The following NFIB variants were observed in gnomAD, a reference collection of about 807,000 sequenced individuals.
The protein encoded by NFIB is nuclear factor I B.
In NFIB, 11 loss-of-function variants were observed where a neutral mutation model predicts 61.5. The ratio of observed to expected loss-of-function variants is 0.18; its 90% CI spans 0.11 to 0.30. The LOEUF (loss-of-function observed/expected upper bound fraction) is 0.30, where lower values mean the gene tolerates loss of function less well. NFIB is among the 10% of genes least tolerant of loss of function. The pLI, the probability that NFIB is intolerant of heterozygous loss-of-function variation, is 1.00. For synonymous variants in NFIB, 260 were observed against 216.5 expected, an observed-to-expected ratio of 1.20 and a Z score of -1.76; for missense variants, 471 against 608.9, an observed-to-expected ratio of 0.77 and a Z score of 2.38.
At chr9:14,390,728 T>C (rs1338361838) in intron 1 of NFIB, among the ~76,000 whole-genome samples, 1 of 152,246 alleles carries the variant, frequency 6.6e-6, no homozygotes, top group Non-Finnish European at 1.5e-5. Context: ...TCGGTTCTTC[T>C]TCTATGTGAG....
At chr9:14,277,575 A>G (rs1245525109) in intron 2 of NFIB, among the ~76,000 whole-genome samples, 1 of 152,244 alleles carries the variant, frequency 6.6e-6, no homozygotes, top group Non-Finnish European at 1.5e-5. Context: ...TAGGTGAAAG[A>G]AAGAATTAAC....
At chr9:14,285,805 ACCC>A in intron 2 of NFIB, among the ~76,000 whole-genome samples, 1 of 152,122 alleles carries the variant, frequency 6.6e-6, no homozygotes, top group South Asian at 2.1e-4. Flanking sequence ...AGAAAATCCT[ACCC>A]ACCTTAAGTG....
At chr9:14,292,121 T>C (rs1259292460) in intron 2 of NFIB, among the ~76,000 whole-genome samples, 3 of 152,214 alleles carry the variant, frequency 2.0e-5, no homozygotes, top group African/African-American at 7.2e-5. Context: ...CCTTTAAAAA[T>C]TGCTGCCATG....
chr9:14,389,865 G>C (rs1313779650), intron 1 of NFIB, among the ~76,000 whole-genome samples: 1 of 152,166 alleles, frequency 6.6e-6, no homozygotes, highest in Non-Finnish European at 1.5e-5. Context: ...ACATTGAGTT[G>C]ATATAGAATC....
chr9:14,313,436 A>C lies in NFIB; in HGVS notation c.30+46T>G, dbSNP rs1263979165. ...GTCCGCAACAAAACAAAACAAAGGC[A>C]TTTCGGGCCAGAGAGAAAGCTCGAG... On this transcript the variant is annotated intron_variant, in intron 1 of 10. Transcript: ENST00000380953. This position sits in a 1 kb window ranked among gnomAD's most constrained non-coding sequence, Gnocchi z 4.5. 1.2e-6 allele frequency: 2 copies of C among 1,613,340 alleles called. No homozygotes were observed. Among genetic ancestry groups the C allele is most frequent in the East Asian group, 4.5e-5 (2 of 44,796 alleles).
At chr9:14,332,878 G>C (rs1003508307) in intron 1 of NFIB, among the ~76,000 whole-genome samples, 1 of 152,202 alleles carries the variant, frequency 6.6e-6, no homozygotes, top group African/African-American at 2.4e-5. Flanking sequence ...CTGAGGCCAT[G>C]AGCTTGCCAG....
At chr9:14,306,433 G>A (rs1021925121) in intron 2 of NFIB, among the ~76,000 whole-genome samples, 1 of 151,964 alleles carries the variant, frequency 6.6e-6, no homozygotes, top group African/African-American at 2.4e-5. Context: ...GTAAATCTAG[G>A]TCTACGTAAG....
At position 14,393,230 on chromosome 9, in the gene NFIB, C is replaced by T. The variant is rs553192136; in HGVS notation, c.108+5294G>A. Among the ~76,000 whole-genome samples, 130 of 152,166 alleles carry T rather than the reference C, an allele frequency of 8.5e-4. 1 individual carries two copies. Among genetic ancestry groups the T allele is most frequent in the African/African-American group, 3.1e-3 (127 of 41,522 alleles). On this transcript the variant is annotated intron_variant, in intron 1 of 8. Transcript: ENST00000380934. ...TTGTAGTCATATGATCAGAAATGTG[C>T]TGCACATCCTCCCAGTGCACTGGAA...
At chr9:14,139,452 G>C (rs1359992929) in intron 6 of NFIB, among the ~76,000 whole-genome samples, 1 of 152,110 alleles carries the variant, frequency 6.6e-6, no homozygotes, top group East Asian at 1.9e-4. Context: ...ACTTTGTATG[G>C]CACACTATGA....
the NFIB span, among the ~76,000 whole-genome samples, chr9:14,459,844 C>T: frequency 4.3e-4 from 65 of 150,908 alleles, no homozygotes; most frequent in Middle Eastern, 0.01. Context: ...GTTAGAATGG[C>T]GATCATTAAA....
At chr9:14,210,042 C>A (rs906465413) in intron 2 of NFIB, among the ~76,000 whole-genome samples, 4 of 152,270 alleles carry the variant, frequency 2.6e-5, no homozygotes, top group Non-Finnish European at 5.9e-5. Context: ...ATATAAATAA[C>A]TACAACAATT....
At chr9:14,285,506 C>G (rs1347563299) in intron 2 of NFIB, among the ~76,000 whole-genome samples, 1 of 152,072 alleles carries the variant, frequency 6.6e-6, no homozygotes, top group Admixed American at 6.5e-5. Flanking sequence ...ATAATATTTT[C>G]TTTTGTCTCT....
intron 2 of NFIB, among the ~76,000 whole-genome samples, chr9:14,257,768 A>C (rs2056368573): frequency 6.6e-6 from 1 of 152,174 alleles, no homozygotes; most frequent in African/African-American, 2.4e-5. Flanking sequence ...AAAAGAAAAA[A>C]AACGAAAGAA....
chr9:14,202,477 T>C (rs1438600742), intron 2 of NFIB, among the ~76,000 whole-genome samples: 1 of 152,170 alleles, frequency 6.6e-6, no homozygotes, highest in African/African-American at 2.4e-5. Flanking sequence ...CATCCCATTA[T>C]AGAATATTGA....
chr9:14,525,672 T>A, the NFIB span, among the ~76,000 whole-genome samples: 2 of 152,144 alleles, frequency 1.3e-5, no homozygotes, highest in African/African-American at 2.4e-5. Context: ...AGAAAATATT[T>A]CAGGAGTCTC....
At chr9:14,450,849 T>A in the NFIB span, among the ~76,000 whole-genome samples, 1 of 152,252 alleles carries the variant, frequency 6.6e-6, no homozygotes, top group South Asian at 2.1e-4. Flanking sequence ...AATGTCCAAA[T>A]GTCTTATTTT....
chr9:14,510,966 A>C, the NFIB span, among the ~76,000 whole-genome samples: 6 of 152,168 alleles, frequency 3.9e-5, no homozygotes, highest in Non-Finnish European at 4.4e-5. Context: ...CTCTTTGATG[A>C]TGCTGCTTCA....
chr9:14,462,081 C>T, the NFIB span, among the ~76,000 whole-genome samples: 83 of 152,258 alleles, frequency 5.5e-4, no homozygotes, highest in Middle Eastern at 3.4e-3. Context: ...ATGGAAGTTT[C>T]GCATTCCAGC....
the NFIB span, among the ~76,000 whole-genome samples, chr9:14,505,596 C>T: frequency 6.6e-6 from 1 of 152,120 alleles, no homozygotes; most frequent in Non-Finnish European, 1.5e-5. Flanking sequence ...CTTACTCCAC[C>T]CCATGCCCAC....
Sources: allele counts gnomAD v4.1 joint callset (sites outside exome capture counted in the v4.1 genomes callset), GRCh38; gene constraint gnomAD v4.1.1; non-coding constraint Gnocchi (gnomAD v3.1); transcripts MANE v1.5; gene names NCBI Gene and HGNC (gene_info 2026-07-23, HGNC 2026-07-21).